Variants in NXPE3 observed in about 807,000 individuals in gnomAD.
NXPE3 encodes neurexophilin and PC-esterase domain family member 3.
NXPE3 carries 26 observed loss-of-function variants against 46.1 expected under a neutral mutation model. The ratio of observed to expected loss-of-function variants is 0.56; its 90% CI spans 0.41 to 0.78. The LOEUF (loss-of-function observed/expected upper bound fraction) is 0.78, where lower values mean the gene tolerates loss of function less well. Ranked by LOEUF, NXPE3 falls within the 30% of genes least tolerant of loss-of-function variation. NXPE3 has a pLI of 0.00. For missense variants in NXPE3, 620 were observed against 686.0 expected (o/e 0.90, Z 1.07); for synonymous variants, 272 against 257.9 (o/e 1.05, Z -0.52).
In NXPE3 at chr3:101,784,014, G is replaced by C. The variant is rs574317667; in HGVS notation, c.-196+1234G>C. On this transcript the variant is annotated intron_variant, in intron 3 of 7. Transcript: ENST00000273347. The stretch of plus-strand genomic sequence containing the variant: ...TGGATTTATTTCTCCTTAAGAAGGG[G>C]CTGACATCTTGTCTAATATGAGTGT... 7.2e-4 allele frequency among the ~76,000 whole-genome samples: 109 copies of C among 152,322 alleles called. 2 individuals are homozygous for C. The South Asian group carries it at 0.022, about 31-fold the overall frequency.
At chr3:101,786,664 G>A (rs1246393585) in intron 4 of NXPE3, among the ~76,000 whole-genome samples, 1 of 152,084 alleles carries the variant, frequency 6.6e-6, no homozygotes, top group Non-Finnish European at 1.5e-5. Flanking sequence ...CTGTTCTTGT[G>A]TGTTTTACTA....
intron 4 of NXPE3, among the ~76,000 whole-genome samples, chr3:101,795,174 T>G (rs961594006): frequency 1.3e-5 from 2 of 152,232 alleles, no homozygotes; most frequent in African/African-American, 4.8e-5. Context: ...TATACTCTTA[T>G]GATTGGAGTA....
In NXPE3 at chr3:101,826,812, T is replaced by C. The variant is rs1214758892; in HGVS notation, c.*4858T>C. The C allele has an allele frequency of 6.6e-6, 1 of 152,248 alleles. No homozygotes were observed. The highest frequency in any genetic ancestry group is 2.4e-5 in the African/African-American group (1 of 41,458). The allele number at this position is 152,248 out of a possible 1,614,324, so 9.4% of individuals were successfully genotyped here. The stretch of plus-strand genomic sequence containing the variant: ...ACTTTGGGAGGCCGAGGTGGGCGGA[T>C]CACCTGAGGTCAAGAGTTCAAGACC... On this transcript the variant is annotated 3_prime_UTR_variant, in exon 8 of 8. Transcript: ENST00000273347.
chr3:101,799,930 TTAA>T (rs2107291370), intron 4 of NXPE3, among the ~76,000 whole-genome samples: 1 of 152,300 alleles, frequency 6.6e-6, no homozygotes, highest in East Asian at 1.9e-4. Context: ...ATTTCTGATA[TTAA>T]TAATTTGTGT....
Position 101,785,451 on chromosome 3 carries a change from C to G in NXPE3, c.-146C>G, listed in dbSNP as rs1313407444. On this transcript the variant is annotated 5_prime_UTR_variant, in exon 4 of 8. Transcript: ENST00000273347. ...TCTTGAATCAACTGCAGTCTCTCCT[C>G]TGCATAAGAGCTCTTAAGGGTACTA... 1.5e-6 allele frequency: 1 copy of G among 670,186 alleles called. No homozygotes were observed. Among genetic ancestry groups the G allele is most frequent in the East Asian group, 2.6e-5 (1 of 38,542 alleles). 41.5% of individuals were successfully genotyped at this position (670,186 alleles called of 1,614,324 possible).
At chr3:101,785,380 C>T in intron 3 of NXPE3, 22 bp from the exon 4 acceptor site, 1 of 517,652 alleles carries the variant, frequency 1.9e-6, no homozygotes, top group Non-Finnish European at 3.5e-6. Context: ...TGGTGATGTT[C>T]TCTCATCTCT....
At position 101,822,161 on chromosome 3, in the gene NXPE3, AGCC is replaced by A; in HGVS notation, c.*208_*210del. 167 of 507,500 alleles carry A rather than the reference AGCC, an allele frequency of 3.3e-4. No individual in the cohort carries two copies. Among genetic ancestry groups the A allele is most frequent in the South Asian group, 1.6e-3 (47 of 28,936 alleles). The allele number at this position is 507,500 out of a possible 1,614,324, so 31.4% of individuals were successfully genotyped here. ...ATAGGATTTTATCCAATGTTGACTT[AGCC>A]ATGGTAGAACTCTTAACTGCATCTA... is the stretch of plus-strand genomic sequence containing the variant. On this transcript the variant is annotated 3_prime_UTR_variant, in exon 8 of 8. Coordinates refer to ENST00000273347, the MANE Select transcript of NXPE3 (RefSeq NM_145037.4).
chr3:101,813,070 CCCAGCACTTGACAGAGTGTTCCTAA>C (rs1941797141), intron 6 of NXPE3, among the ~76,000 whole-genome samples: 6 of 152,090 alleles, frequency 3.9e-5, no homozygotes, highest in Admixed American at 3.9e-4. Context: ...TTCTCATATT[CCCAGCACTTGACAGAGTGTTCCTAA>C]CCAGCTCAAT....
rs530164666 is a variant in NXPE3, at chr3:101,788,192, A to G, written c.93+2503A>G. On this transcript the variant is annotated intron_variant, in intron 4 of 7. Transcript: ENST00000273347. Reference sequence around the variant, plus strand: ...TCATGTGCTTTTGGATAAATATCCAATTCCGGTACTCACTGTTTAACGGAG... The same window carrying G: ...TCATGTGCTTTTGGATAAATATCCAGTTCCGGTACTCACTGTTTAACGGAG... 5.3e-5 allele frequency among the ~76,000 whole-genome samples: 8 copies of G among 152,324 alleles called. No individual in the cohort carries two copies. The East Asian group carries it at 1.3e-3, about 26-fold the overall frequency.
intron 4 of NXPE3, among the ~76,000 whole-genome samples, chr3:101,791,260 A>G (rs1458793698): frequency 6.6e-6 from 1 of 152,168 alleles, no homozygotes; most frequent in African/African-American, 2.4e-5. Flanking sequence ...CCATGTTCCC[A>G]CAAAAGATAT....
At chr3:101,809,779 G>A (rs768795487) in intron 6 of NXPE3, among the ~76,000 whole-genome samples, 22 of 152,120 alleles carry the variant, frequency 1.4e-4, no homozygotes, top group Non-Finnish European at 2.6e-4. Flanking sequence ...AACACTTTCA[G>A]TTTGGCTTCT....
intron 6 of NXPE3, among the ~76,000 whole-genome samples, chr3:101,808,856 T>TATATATATATAA (rs1941575402): frequency 1.6e-5 from 2 of 127,660 alleles, no homozygotes; most frequent in African/African-American, 3.0e-5. Context: ...TATATATATA[T>TATATATATATAA]GAGACATTTA....
At chr3:101,784,780 C>T (rs941892977) in intron 3 of NXPE3, among the ~76,000 whole-genome samples, 1 of 152,186 alleles carries the variant, frequency 6.6e-6, no homozygotes, top group Non-Finnish European at 1.5e-5. Flanking sequence ...CTTGACTTTC[C>T]TCTCCCACAT....
intron 3 of NXPE3, among the ~76,000 whole-genome samples, chr3:101,783,527 G>A (rs965877596): frequency 6.6e-6 from 1 of 152,204 alleles, no homozygotes; most frequent in African/African-American, 2.4e-5. Flanking sequence ...CTCTAGCTGG[G>A]AGGGACTTCT....
intron 7 of NXPE3, among the ~76,000 whole-genome samples, chr3:101,821,141 G>A (rs1243274807): frequency 6.6e-6 from 1 of 152,164 alleles, no homozygotes; most frequent in Admixed American, 6.5e-5. Context: ...GACAGGTGTA[G>A]TGTAGAGTCT....
chr3:101,801,279 T>C lies in NXPE3; in HGVS notation c.138T>C (p.Ser46=), dbSNP rs781211129. ...ETVSATFIDS[S]GQFVSSQVTG... is the part of the protein sequence containing the mutation. ...TTTCAGCCACTTTCATCGACAGCAGTGGACAGTTTGTTTCCTCCCAGGTGA... is the reference window on the plus strand; with the variant it reads ...TTTCAGCCACTTTCATCGACAGCAGCGGACAGTTTGTTTCCTCCCAGGTGA... The change falls in exon 5 of 8, where the codon AGT becomes AGC. Residue 46 remains serine, a synonymous_variant. Transcript: ENST00000273347. 1 of 1,614,040 alleles carries C rather than the reference T, an allele frequency of 6.2e-7. No homozygotes were observed. Among genetic ancestry groups the C allele is most frequent in the East Asian group, 2.2e-5 (1 of 44,880 alleles).
intron 4 of NXPE3, among the ~76,000 whole-genome samples, chr3:101,789,565 A>G: frequency 6.6e-6 from 1 of 152,190 alleles, no homozygotes; most frequent in East Asian, 1.9e-4. Flanking sequence ...AAAAATAAAA[A>G]TAATAAAAAA....
chr3:101,812,535 C>T (rs181258606), intron 6 of NXPE3, among the ~76,000 whole-genome samples: 5 of 152,052 alleles, frequency 3.3e-5, no homozygotes, highest in East Asian at 1.9e-4. Flanking sequence ...TTTCGACGGC[C>T]GGGCGCAGTG....
At chr3:101,806,993 C>G (rs1377983541) in intron 5 of NXPE3, 60 bp from the exon 6 acceptor site, 1 of 1,107,654 alleles carries the variant, frequency 9.0e-7, no homozygotes, top group African/African-American at 1.5e-5. Flanking sequence ...CCAATAAAGA[C>G]ATATATCTGA....
Sources: gnomAD v4.1 joint callset for allele counts (sites outside exome capture counted in the v4.1 genomes callset) on GRCh38, gnomAD v4.1.1 for gene constraint, MANE v1.5 for transcripts, NCBI Gene and HGNC (gene_info 2026-07-23, HGNC 2026-07-21) for gene names.